ARHGAP44: variants seen among roughly 807,000 people sequenced by gnomAD.
The protein encoded by ARHGAP44 is rho GTPase-activating protein 44.
ARHGAP44 carries 43 observed loss-of-function variants against 106.8 expected under a neutral mutation model. The ratio of observed to expected loss-of-function variants is 0.40; its 90% CI spans 0.32 to 0.52. The LOEUF (loss-of-function observed/expected upper bound fraction) is 0.52. ARHGAP44 is among the 20% of genes least tolerant of loss of function. The pLI is 0.48. For missense variants in ARHGAP44, 866 were observed against 1,050.5 expected, an observed-to-expected ratio of 0.82 and a Z score of 2.43; for synonymous variants, 439 against 410.3, an observed-to-expected ratio of 1.07 and a Z score of -0.85.
intron 14 of ARHGAP44, 60 bp downstream of exon 14, chr17:12,956,040 G>C: frequency 7.6e-7 from 1 of 1,312,426 alleles, no homozygotes; most frequent in Non-Finnish European, 1.1e-6. Flanking sequence ...GCCTGAGCAG[G>C]GTGGGCAGGA....
intron 3 of ARHGAP44, among the ~76,000 whole-genome samples, chr17:12,897,029 A>G (rs1261710123): frequency 6.6e-6 from 1 of 152,234 alleles, no homozygotes; most frequent in Admixed American, 6.5e-5. Context: ...GCCTTTGTCT[A>G]TAACCTGCAT....
chr17:12,880,803 G>A (rs1013028218), intron 1 of ARHGAP44, among the ~76,000 whole-genome samples: 1 of 152,070 alleles, frequency 6.6e-6, no homozygotes, highest in African/African-American at 2.4e-5. Context: ...TAGTTTCATT[G>A]TCAGATATAC....
At chr17:12,897,121 T>A (rs2037228640) in intron 3 of ARHGAP44, among the ~76,000 whole-genome samples, 1 of 152,206 alleles carries the variant, frequency 6.6e-6, no homozygotes, top group African/African-American at 2.4e-5. Flanking sequence ...ACCTTCCTCT[T>A]GACCCCATCC....
At chr17:12,809,736 C>T (rs1331447378) in intron 1 of ARHGAP44, among the ~76,000 whole-genome samples, 1 of 152,080 alleles carries the variant, frequency 6.6e-6, no homozygotes, top group African/African-American at 2.4e-5. Context: ...ACTAATTACG[C>T]AGTCAAAGTG....
intron 1 of ARHGAP44, among the ~76,000 whole-genome samples, chr17:12,870,846 T>G (rs2036387066): frequency 6.6e-6 from 1 of 152,198 alleles, no homozygotes; most frequent in Non-Finnish European, 1.5e-5. Context: ...TAAAACTCCC[T>G]GCAGTTAGCA....
chr17:12,930,980 C>T (rs1321417344), intron 7 of ARHGAP44, among the ~76,000 whole-genome samples: 1 of 152,174 alleles, frequency 6.6e-6, no homozygotes, highest in Non-Finnish European at 1.5e-5. Context: ...CTAGATAGAA[C>T]CTGTTATATC....
chr17:12,887,680 T>A (rs1011292685), intron 1 of ARHGAP44, among the ~76,000 whole-genome samples: 10 of 152,216 alleles, frequency 6.6e-5, no homozygotes, highest in African/African-American at 2.4e-4. Flanking sequence ...CTTCTTTCAT[T>A]TTCTGGAAGA....
chr17:12,973,255 G>T, intron 16 of ARHGAP44, 47 bp from the exon 17 acceptor site: 1 of 1,587,476 alleles, frequency 6.3e-7, no homozygotes, highest in Non-Finnish European at 8.6e-7. Context: ...TCCAAAGGAA[G>T]GCCTAGATTT....
chr17:12,876,663 C>G (rs1359024484), intron 1 of ARHGAP44, among the ~76,000 whole-genome samples: 1 of 151,822 alleles, frequency 6.6e-6, no homozygotes, highest in East Asian at 1.9e-4. Flanking sequence ...ATCTGTAATC[C>G]CAGCACTTTG....
intron 1 of ARHGAP44, among the ~76,000 whole-genome samples, chr17:12,875,785 A>G (rs2036537084): frequency 6.6e-6 from 1 of 152,142 alleles, no homozygotes; most frequent in Non-Finnish European, 1.5e-5. Flanking sequence ...CTCTACTAAA[A>G]ATACAAAAAT....
At chr17:12,870,422 G>A (rs571525168) in intron 1 of ARHGAP44, among the ~76,000 whole-genome samples, 21 of 152,264 alleles carry the variant, frequency 1.4e-4, no homozygotes, top group African/African-American at 5.1e-4. Context: ...CTCAAGAAAG[G>A]TTGTATCAGG....
At chr17:12,902,446 G>A (rs959290159) in intron 3 of ARHGAP44, among the ~76,000 whole-genome samples, 1 of 152,090 alleles carries the variant, frequency 6.6e-6, no homozygotes, top group Non-Finnish European at 1.5e-5. Context: ...TTTCTTCATA[G>A]CACATATTAG....
intron 1 of ARHGAP44, among the ~76,000 whole-genome samples, chr17:12,818,783 T>G (rs181350793): frequency 6.6e-6 from 1 of 152,182 alleles, no homozygotes; most frequent in East Asian, 1.9e-4. Context: ...TTAAAAGACT[T>G]TTAAGTGCAG....
chr17:12,974,346 G>A (rs963662282), intron 18 of ARHGAP44, 36 bp downstream of exon 18: 13 of 1,379,760 alleles, frequency 9.4e-6, no homozygotes, highest in African/African-American at 1.5e-5. Context: ...GCGGGCTGGT[G>A]TGCGGTGCAG....
At chr17:12,903,265 A>G (rs1422214868) in intron 3 of ARHGAP44, among the ~76,000 whole-genome samples, 1 of 151,822 alleles carries the variant, frequency 6.6e-6, no homozygotes, top group Non-Finnish European at 1.5e-5. Context: ...TGCCCAAGAT[A>G]GTTTTAGAGA....
chr17:12,866,721 A>C (rs2036249033), intron 1 of ARHGAP44, among the ~76,000 whole-genome samples: 1 of 152,232 alleles, frequency 6.6e-6, no homozygotes, highest in African/African-American at 2.4e-5. Flanking sequence ...ATTTAGAGAG[A>C]GGTGAAAAGA....
intron 7 of ARHGAP44, among the ~76,000 whole-genome samples, chr17:12,930,908 T>C (rs1369799186): frequency 1.3e-5 from 2 of 152,230 alleles, no homozygotes; most frequent in Admixed American, 1.3e-4. Context: ...GACTTCATTA[T>C]GACAATGCAC....
chr17:12,978,814 G>A (rs547763185), intron 18 of ARHGAP44, among the ~76,000 whole-genome samples: 1 of 151,550 alleles, frequency 6.6e-6, no homozygotes, highest in Non-Finnish European at 1.5e-5. Context: ...TCAGCCTCCC[G>A]AGTGGCTGGG....
chr17:12,921,187 C>G (rs968670890), intron 6 of ARHGAP44, among the ~76,000 whole-genome samples: 2 of 152,082 alleles, frequency 1.3e-5, no homozygotes, highest in East Asian at 1.9e-4. Context: ...CTGCCTCAGC[C>G]TCCTGAGTGG....
Sources: allele counts gnomAD v4.1 joint callset (sites outside exome capture counted in the v4.1 genomes callset), GRCh38; gene constraint gnomAD v4.1.1; transcripts MANE v1.5; gene names NCBI Gene and HGNC (gene_info 2026-07-23, HGNC 2026-07-21).